CYP2C8: variants seen among roughly 807,000 people sequenced by gnomAD.
CYP2C8 encodes the protein cytochrome P450 family 2 subfamily C member 8.
CYP2C8 carries 51 observed loss-of-function variants against 41.3 expected under a neutral mutation model. The ratio of observed to expected loss-of-function variants is 1.24; its 90% confidence interval spans 0.99 to 1.56. The LOEUF is 1.56. Among genes scored for constraint, CYP2C8 ranks in the 40% most tolerant of loss-of-function variants. CYP2C8 has a pLI of 0.00. For missense variants in CYP2C8, 651 were observed against 579.9 expected (o/e 1.12, Z -1.26); for synonymous variants, 218 against 205.8 (o/e 1.06, Z -0.51).
At chr10:95,051,079 C>T (rs558543104) in intron 5 of CYP2C8, among the ~76,000 whole-genome samples, 207 of 152,096 alleles carry the variant, frequency 1.4e-3, no homozygotes, top group African/African-American at 4.3e-3. Context: ...TTTGAGGAAA[C>T]CTAAAGATAT....
intron 5 of CYP2C8, among the ~76,000 whole-genome samples, chr10:95,055,386 G>A (rs1442564648): frequency 2.0e-5 from 3 of 152,074 alleles, no homozygotes; most frequent in Admixed American, 2.0e-4. Context: ...TAAAGGAAGC[G>A]TTTCTTCAAC....
chr10:95,048,211 T>C (rs746207534), intron 5 of CYP2C8, among the ~76,000 whole-genome samples: 4 of 152,232 alleles, frequency 2.6e-5, no homozygotes, highest in Non-Finnish European at 5.9e-5. Flanking sequence ...ATTTGGCTTA[T>C]GATTATTCAC....
At chr10:95,061,691 GTGTT>G (rs1203755961) in intron 4 of CYP2C8, among the ~76,000 whole-genome samples, 2 of 152,094 alleles carry the variant, frequency 1.3e-5, no homozygotes, top group Non-Finnish European at 2.9e-5. Context: ...GCTTTTGAAT[GTGTT>G]TGTTCTTGCT....
chr10:95,044,253 AT>A (rs1489948290), intron 6 of CYP2C8, among the ~76,000 whole-genome samples: 1 of 152,190 alleles, frequency 6.6e-6, no homozygotes, highest in Non-Finnish European at 1.5e-5. Context: ...TGTAGCAACC[AT>A]GTAGGTCCCA....
intron 4 of CYP2C8, among the ~76,000 whole-genome samples, chr10:95,063,964 G>T (rs1176810499): frequency 6.6e-6 from 1 of 152,180 alleles, no homozygotes; most frequent in African/African-American, 2.4e-5. Flanking sequence ...AACAGCAAAT[G>T]TTGCTGCCCG....
At chr10:95,059,291 C>T (rs1464091122) in intron 4 of CYP2C8, among the ~76,000 whole-genome samples, 1 of 152,184 alleles carries the variant, frequency 6.6e-6, no homozygotes, top group Non-Finnish European at 1.5e-5. Flanking sequence ...TTCTCCACAT[C>T]CTCTCCAGAA....
At chr10:95,060,816 C>T (rs1381501498) in intron 4 of CYP2C8, among the ~76,000 whole-genome samples, 1 of 152,086 alleles carries the variant, frequency 6.6e-6, no homozygotes, top group African/African-American at 2.4e-5. Flanking sequence ...TAGATACGTC[C>T]CATCAATACC....
At chr10:95,055,870 T>C (rs1394236604) in intron 5 of CYP2C8, among the ~76,000 whole-genome samples, 1 of 152,082 alleles carries the variant, frequency 6.6e-6, no homozygotes, top group Non-Finnish European at 1.5e-5. Flanking sequence ...ATGGGTGGAC[T>C]GCTTGAGCTC....
intron 7 of CYP2C8, 22 bp from the exon 8 acceptor site, chr10:95,039,060 A>G (rs775902484): frequency 6.2e-7 from 1 of 1,609,980 alleles, no homozygotes; most frequent in African/African-American, 1.3e-5. Context: ...AAAACAGATA[A>G]TCTGATTTAT....
At chr10:95,068,194 C>T (rs2033610243) in intron 1 of CYP2C8, among the ~76,000 whole-genome samples, 1 of 152,192 alleles carries the variant, frequency 6.6e-6, no homozygotes. Context: ...GTGATGAACC[C>T]TAGAAATCTG....
At position 95,060,403 on chromosome 10, in the gene CYP2C8, C is replaced by T. The variant is rs542040260; in HGVS notation, c.643-1892G>A. ...CCTAGGTATTTTATTCTCTTTGAAG[C>T]AATTGTGAATGGAAGTTCACTCATG... On this transcript the variant is annotated intron_variant, in intron 4 of 8. Transcript: ENST00000371270. 4.3e-4 allele frequency among the ~76,000 whole-genome samples: 65 copies of T among 152,250 alleles called. 1 individual carries two copies. Among genetic ancestry groups the T allele is most frequent in the African/African-American group, 1.4e-3 (58 of 41,552 alleles).
intron 4 of CYP2C8, among the ~76,000 whole-genome samples, chr10:95,059,784 A>G (rs928045518): frequency 7.9e-5 from 12 of 152,268 alleles, no homozygotes; most frequent in East Asian, 3.9e-4. Flanking sequence ...TAGGTCTAAC[A>G]TTTAAGTCTT....
chr10:95,060,857 CTG>C (rs1232915535), intron 4 of CYP2C8, among the ~76,000 whole-genome samples: 2 of 152,064 alleles, frequency 1.3e-5, no homozygotes, highest in African/African-American at 4.8e-5. Context: ...GACTGAAGTG[CTG>C]TTGAATTTTT....
At chr10:95,038,558 T>G (rs962936653) in intron 8 of CYP2C8, among the ~76,000 whole-genome samples, 2 of 152,178 alleles carry the variant, frequency 1.3e-5, no homozygotes, top group African/African-American at 4.8e-5. Context: ...TGGACTTAGA[T>G]ACATTTGTCA....
At chr10:95,043,315 A>C (rs1589437416) in intron 6 of CYP2C8, among the ~76,000 whole-genome samples, 2 of 152,226 alleles carry the variant, frequency 1.3e-5, no homozygotes, top group East Asian at 3.8e-4. Context: ...CATATATGAC[A>C]ATACAAATTT....
intron 5 of CYP2C8, among the ~76,000 whole-genome samples, chr10:95,048,813 A>G (rs2033158695): frequency 6.6e-6 from 1 of 152,184 alleles, no homozygotes; most frequent in Admixed American, 6.5e-5. Flanking sequence ...ACCACATACA[A>G]AAATTAACTC....
intron 5 of CYP2C8, 142 bp from the exon 6 acceptor site, chr10:95,046,093 T>C (rs1338233745): frequency 1.1e-6 from 1 of 882,806 alleles, no homozygotes; most frequent in Non-Finnish European, 1.7e-6. Flanking sequence ...AACTGTGTGG[T>C]ATGGCAGAAA....
At chr10:95,064,423 C>G (rs998385201) in intron 4 of CYP2C8, among the ~76,000 whole-genome samples, 1 of 152,162 alleles carries the variant, frequency 6.6e-6, no homozygotes, top group African/African-American at 2.4e-5. Context: ...TGGGACCCTC[C>G]AAGCCAGGTG....
chr10:95,069,350 G>A lies in CYP2C8; in HGVS notation c.53C>T (p.Ser18Leu). Residue 18 changes from serine (S) to leucine (L), a missense_variant, in exon 1 of 9, where the codon TCA (serine) becomes TTA (leucine). By Grantham distance (145) the Ser-to-Leu change is moderately radical (BLOSUM62 -2). Transcript: ENST00000371270. ...TCTCCTACAGCTCTGTCTCCAGAGT[G>A]AAAAGAGAAGCATAAAAGAGAGACA... Reference protein sequence around the residue: ...VLCLSFMLLFSLWRQSCRRRK... With the variant: ...VLCLSFMLLFLLWRQSCRRRK... 1 of 1,614,118 alleles carries A rather than the reference G, an allele frequency of 6.2e-7. No homozygotes were observed. The highest frequency in any genetic ancestry group is 8.5e-7 in the Non-Finnish European group (1 of 1,180,032).
Sources: gnomAD v4.1 joint callset for allele counts (sites outside exome capture counted in the v4.1 genomes callset) on GRCh38, gnomAD v4.1.1 for gene constraint, MANE v1.5 for transcripts, NCBI Gene and HGNC (gene_info 2026-07-23, HGNC 2026-07-21) for gene names.